Variants in SNRPD3 observed in about 807,000 individuals in gnomAD.
The protein encoded by SNRPD3 is small nuclear ribonucleoprotein D3 polypeptide.
For synonymous variants in SNRPD3, 66 were observed against 58.4 expected (o/e 1.13, Z -0.59); for missense variants, 73 against 167.5 (o/e 0.44, Z 3.11).
chr22:24,573,333 A>T lies in SNRPD3; in HGVS notation c.*1356A>T, dbSNP rs186828795. Among the ~76,000 whole-genome samples the T allele has an allele frequency of 4.8e-4, 73 of 152,360 alleles. 1 individual carries two copies. The highest frequency in any genetic ancestry group is 1.7e-3 in the African/African-American group (71 of 41,596). On this transcript the variant is annotated 3_prime_UTR_variant, in exon 4 of 4. Coordinates refer to ENST00000215829, the MANE Select transcript of SNRPD3 (RefSeq NM_004175.5). ...AAAGAGGTCTTGCCAGGTATTCATT[A>T]TGGTATGAGCTACAGCATAAGCCAT...
chr22:24,573,381 T>C lies in SNRPD3; in HGVS notation c.*1404T>C, dbSNP rs554887851. ...CATCAAGAGGAAAACTGATCAATTA[T>C]TGGCTTTTAGAATATTGCTCATTGA... is the stretch of plus-strand genomic sequence containing the variant. On this transcript the variant is annotated 3_prime_UTR_variant, in exon 4 of 4. Coordinates refer to ENST00000215829, the MANE Select transcript of SNRPD3 (RefSeq NM_004175.5). Among the ~76,000 whole-genome samples, 22 of 152,308 alleles carry C rather than the reference T, an allele frequency of 1.4e-4. No homozygotes were observed. The highest frequency in any genetic ancestry group is 4.1e-4 in the African/African-American group (17 of 41,570).
At chr22:24,557,508 G>T in intron 1 of SNRPD3, 149 bp from the exon 2 acceptor site, 1 of 492,910 alleles carries the variant, frequency 2.0e-6, no homozygotes, top group Non-Finnish European at 3.4e-6. Flanking sequence ...ACCAGGAGCT[G>T]AGCTTTTTTT....
At chr22:24,561,450 G>T (rs911086488) in intron 2 of SNRPD3, among the ~76,000 whole-genome samples, 1 of 152,070 alleles carries the variant, frequency 6.6e-6, no homozygotes, top group East Asian at 1.9e-4. Context: ...GAATTTTTTT[G>T]AGGGATACAA....
chr22:24,555,858 C>T, upstream of SNRPD3: 1 of 1,533,012 alleles, frequency 6.5e-7, no homozygotes, highest in Non-Finnish European at 8.8e-7. Flanking sequence ...AACTATCGTA[C>T]TGGTGCCCTA....
chr22:24,566,668 C>T (rs535036055), intron 2 of SNRPD3, among the ~76,000 whole-genome samples: 2 of 152,376 alleles, frequency 1.3e-5, no homozygotes, highest in African/African-American at 2.4e-5. Flanking sequence ...CAGAAATCTG[C>T]AGAGACAGCA....
In SNRPD3 at chr22:24,573,582, A is replaced by C. The variant is rs553968351; in HGVS notation, c.*1605A>C. On this transcript the variant is annotated 3_prime_UTR_variant, in exon 4 of 4. Transcript: ENST00000215829. ...TGGTCAGATACAATAGACGTTTAAA[A>C]TAGGGCTTCAGGCCAAACATGGTGC... is the stretch of plus-strand genomic sequence containing the variant. Among the ~76,000 whole-genome samples, 1 of 152,178 alleles carries C rather than the reference A, an allele frequency of 6.6e-6. No individual in the cohort carries two copies. The highest frequency in any genetic ancestry group is 1.5e-5 in the Non-Finnish European group (1 of 68,022).
In SNRPD3 at chr22:24,574,192, G is replaced by A. The variant is rs557288549; in HGVS notation, c.*2215G>A. ...GAACTGCATCCTCGATATCAAAAGC[G>A]ACTTTTGATGTAGTTCACTCTGGAC... On this transcript the variant is annotated 3_prime_UTR_variant, in exon 4 of 4. Transcript: ENST00000215829. Among the ~76,000 whole-genome samples, 9 of 152,184 alleles carry A rather than the reference G, an allele frequency of 5.9e-5. No homozygotes were observed. In the East Asian group the frequency reaches 1.5e-3, roughly 26 times the overall value.
At chr22:24,555,828 G>A, upstream of SNRPD3, 2 of 1,545,022 alleles carry the variant, frequency 1.3e-6, no homozygotes, top group Non-Finnish European at 8.7e-7. Context: ...CCAGTCATCA[G>A]CCCTCTTTTC....
chr22:24,567,332 T>C (rs2045205533), intron 2 of SNRPD3, among the ~76,000 whole-genome samples: 1 of 152,216 alleles, frequency 6.6e-6, no homozygotes, highest in Non-Finnish European at 1.5e-5. Context: ...ACATCTTTGC[T>C]CAGCAGGCAG....
chr22:24,556,366 GTTTTTTTTTGTTTTTT>G (rs2045064497), intron 1 of SNRPD3, among the ~76,000 whole-genome samples: 1 of 56,400 alleles, frequency 1.8e-5, no homozygotes, highest in Non-Finnish European at 3.5e-5. Context: ...AATCCTATGA[GTTTTTTTTTGTTTTTT>G]TTTTTTTAAG....
upstream of SNRPD3, chr22:24,555,846 G>C (rs750133832): frequency 6.5e-7 from 1 of 1,540,868 alleles, no homozygotes; most frequent in East Asian, 2.4e-5. Context: ...TTCCGGTGCC[G>C]GAACTATCGT....
chr22:24,557,288 C>T (rs1418494288), intron 1 of SNRPD3, among the ~76,000 whole-genome samples: 3 of 152,202 alleles, frequency 2.0e-5, no homozygotes, highest in Non-Finnish European at 2.9e-5. Flanking sequence ...TAACAAATAA[C>T]AGTGCAACAA....
chr22:24,559,628 C>A (rs1226279508), intron 2 of SNRPD3, among the ~76,000 whole-genome samples: 2 of 152,018 alleles, frequency 1.3e-5, no homozygotes. Context: ...TGTAGCCTGC[C>A]CCCTAGGGTG....
intron 2 of SNRPD3, among the ~76,000 whole-genome samples, chr22:24,565,099 GGTC>G (rs1386263814): frequency 1.1e-4 from 17 of 151,854 alleles, no homozygotes; most frequent in African/African-American, 4.1e-4. Flanking sequence ...TTCCCAGGCT[GGTC>G]TCAAACTCCT....
At chr22:24,556,373 T>G (rs951387349) in intron 1 of SNRPD3, among the ~76,000 whole-genome samples, 6 of 45,252 alleles carry the variant, frequency 1.3e-4, no homozygotes, top group African/African-American at 5.3e-4. Flanking sequence ...TGAGTTTTTT[T>G]TTGTTTTTTT....
intron 2 of SNRPD3, among the ~76,000 whole-genome samples, chr22:24,564,362 G>T (rs2045175954): frequency 6.6e-6 from 1 of 152,234 alleles, no homozygotes; most frequent in Non-Finnish European, 1.5e-5. Context: ...TGGGTACCTG[G>T]CTTATACCAT....
rs78051568 is a variant in SNRPD3, at chr22:24,573,012, G to A, written c.*1035G>A. The stretch of plus-strand genomic sequence containing the variant: ...TTTGAGAGGAGTTCAAAACCAGCCC[G>A]CGAGACATAGTGAGACCCTGTCTCT... On this transcript the variant is annotated 3_prime_UTR_variant, in exon 4 of 4. Coordinates refer to ENST00000215829, the MANE Select transcript of SNRPD3 (RefSeq NM_004175.5). Among the ~76,000 whole-genome samples, 29 of 152,178 alleles carry A rather than the reference G, an allele frequency of 1.9e-4. No individual in the cohort carries two copies. The highest frequency in any genetic ancestry group is 3.8e-4 in the Non-Finnish European group (26 of 68,006).
chr22:24,560,423 G>C (rs183345728), intron 2 of SNRPD3, among the ~76,000 whole-genome samples: 2,133 of 122,262 alleles, frequency 0.017, 67 homozygotes, highest in African/African-American at 0.063. Context: ...TGCCCAGCTT[G>C]CTTGCTTTTT....
intron 3 of SNRPD3, among the ~76,000 whole-genome samples, chr22:24,571,671 G>T (rs1388030500): frequency 6.6e-6 from 1 of 151,894 alleles, no homozygotes; most frequent in Non-Finnish European, 1.5e-5. Context: ...CTAATCCCAG[G>T]AGGTGGAGAT....
Sources: gnomAD v4.1 joint callset for allele counts (sites outside exome capture counted in the v4.1 genomes callset) on GRCh38, gnomAD v4.1.1 for gene constraint, MANE v1.5 for transcripts, NCBI Gene and HGNC (gene_info 2026-07-23, HGNC 2026-07-21) for gene names.